Variants in TMEM106B observed in about 807,000 individuals in gnomAD.
TMEM106B encodes the protein transmembrane protein 106B.
TMEM106B carries 15 observed loss-of-function variants against 31.1 expected under a neutral mutation model. The ratio of observed to expected loss-of-function variants is 0.48; its 90% confidence interval spans 0.32 to 0.74. The LOEUF is 0.74. TMEM106B is among the 30% of genes least tolerant of loss of function. The pLI, the probability that TMEM106B is intolerant of heterozygous loss-of-function variation, is 0.03. For missense variants in TMEM106B, 283 were observed against 327.3 expected (o/e 0.86, Z 1.04); for synonymous variants, 126 against 112.5 (o/e 1.12, Z -0.76).
Position 12,230,636 on chromosome 7 carries a change from TTTTA to T in TMEM106B, c.632+206_632+209del, listed in dbSNP as rs1398867358. 9.9e-6 allele frequency: 4 copies of T among 405,690 alleles called. No individual in the cohort carries two copies. The East Asian group carries it at 1.6e-4, about 17-fold the overall frequency. The allele number at this position is 405,690 out of a possible 1,614,324, so 25.1% of individuals were successfully genotyped here. ...GTATATATACACATAAAATTTGTTTTTTTATTTATTTTTCAGAATTAGGGTTATA... is the reference window on the plus strand; with the variant it reads ...GTATATATACACATAAAATTTGTTTTTTTATTTTTCAGAATTAGGGTTATA... On this transcript the variant is annotated intron_variant, in intron 6 of 7. Coordinates refer to ENST00000396668, the MANE Select transcript of TMEM106B (RefSeq NM_001134232.2).
rs549985384 is a variant in TMEM106B at position 12,237,916 on chromosome 7, G to T, written c.*5941G>T. The T allele has an allele frequency of 6.6e-6, 1 of 152,010 alleles. No individual in the cohort carries two copies. The highest frequency in any genetic ancestry group is 1.9e-4 in the East Asian group (1 of 5,148). 9.4% of individuals were successfully genotyped at this position (152,010 alleles called of 1,614,324 possible). The stretch of plus-strand genomic sequence containing the variant: ...TCAGAAGTTTATACTCCTTTTGCCG[G>T]CACAGGATCTTGTCTGGATGTTGTT... On this transcript the variant is annotated 3_prime_UTR_variant, in exon 8 of 8. Transcript: ENST00000396668.
chr7:12,242,629 A>T lies in TMEM106B; in HGVS notation c.*10654A>T, dbSNP rs1334340127. 1 of 152,164 alleles carries T rather than the reference A, an allele frequency of 6.6e-6. No individual in the cohort carries two copies. The highest frequency in any genetic ancestry group is 1.9e-4 in the East Asian group (1 of 5,194). The allele number at this position is 152,164 out of a possible 1,614,324, so 9.4% of individuals were successfully genotyped here. On this transcript the variant is annotated 3_prime_UTR_variant, in exon 8 of 8. Transcript: ENST00000396668. ...TATCTAATTGTGTCCTTACTGGGTAACTTGTGTATTTTTCAAGTTAAAGGA... is the reference window on the plus strand; with the variant it reads ...TATCTAATTGTGTCCTTACTGGGTATCTTGTGTATTTTTCAAGTTAAAGGA...
At position 12,237,312 on chromosome 7, in the gene TMEM106B, G is replaced by A. The variant is rs1244143317; in HGVS notation, c.*5337G>A. 1 of 152,052 alleles carries A rather than the reference G, an allele frequency of 6.6e-6. No homozygotes were observed. Among genetic ancestry groups the A allele is most frequent in the Non-Finnish European group, 1.5e-5 (1 of 67,980 alleles). The allele number at this position is 152,052 out of a possible 1,614,324, so 9.4% of individuals were successfully genotyped here. A position where few individuals can be genotyped will look rare whatever the true frequency, so the allele number is the denominator to read the frequency against. On this transcript the variant is annotated 3_prime_UTR_variant, in exon 8 of 8. Transcript: ENST00000396668. ...TCCTTAACATAAACAAATCAGTGTA[G>A]ATATTCAAAATCTTTTACCTTTAAT...
intron 2 of TMEM106B, among the ~76,000 whole-genome samples, chr7:12,217,103 T>G (rs1448547242): frequency 6.6e-6 from 1 of 152,026 alleles, no homozygotes; most frequent in East Asian, 1.9e-4. Flanking sequence ...GAGAAAACAT[T>G]GGTAATTCGG....
intron 3 of TMEM106B, among the ~76,000 whole-genome samples, chr7:12,223,389 T>G (rs1336386103): frequency 1.3e-5 from 2 of 152,126 alleles, no homozygotes; most frequent in African/African-American, 4.8e-5. Flanking sequence ...GTTTGTTACA[T>G]AGGTAAATGT....
intron 4 of TMEM106B, among the ~76,000 whole-genome samples, chr7:12,225,346 T>A (rs1781879543): frequency 6.6e-6 from 1 of 152,218 alleles, no homozygotes; most frequent in African/African-American, 2.4e-5. Flanking sequence ...AATGTGTCTT[T>A]ATAGCAGCAT....
chr7:12,219,667 A>G (rs576166359), intron 3 of TMEM106B, among the ~76,000 whole-genome samples: 1 of 152,284 alleles, frequency 6.6e-6, no homozygotes, highest in South Asian at 2.1e-4. Context: ...GAGAATTTAC[A>G]GACCTCTGGA....
At chr7:12,213,932 A>G (rs1327407603) in intron 1 of TMEM106B, among the ~76,000 whole-genome samples, 2 of 152,110 alleles carry the variant, frequency 1.3e-5, no homozygotes, top group African/African-American at 4.8e-5. Flanking sequence ...GGGATTGAAC[A>G]TGCCCCGTTG....
At position 12,211,397 on chromosome 7, in the gene TMEM106B, C is replaced by G. The variant is rs1274313731; in HGVS notation, c.-31C>G. The G allele has an allele frequency of 6.6e-6, 1 of 152,456 alleles. No individual in the cohort carries two copies. Among genetic ancestry groups the G allele is most frequent in the Non-Finnish European group, 1.5e-5 (1 of 68,232 alleles). 9.4% of individuals were successfully genotyped at this position (152,456 alleles called of 1,614,324 possible). On this transcript the variant is annotated 5_prime_UTR_variant, in exon 1 of 8. Coordinates refer to ENST00000396668, the MANE Select transcript of TMEM106B (RefSeq NM_001134232.2). ...CTCGGCCCTGTCCGCGCCGAAGCAG[C>G]CCGGGACTGCGCAGCGCCCCGCGTG...
chr7:12,226,251 A>G (rs1394220480), intron 4 of TMEM106B, among the ~76,000 whole-genome samples: 1 of 152,140 alleles, frequency 6.6e-6, no homozygotes, highest in Admixed American at 6.6e-5. Context: ...TGGTACCAGT[A>G]CCATGCTGTT....
At chr7:12,230,570 G>T in intron 6 of TMEM106B, 132 bp downstream of exon 6, 2 of 571,588 alleles carry the variant, frequency 3.5e-6, no homozygotes, top group Non-Finnish European at 6.0e-6. Flanking sequence ...TCTGGCTTCT[G>T]GTCCTCTCTG....
At chr7:12,221,720 A>G (rs998159718) in intron 3 of TMEM106B, among the ~76,000 whole-genome samples, 1 of 152,216 alleles carries the variant, frequency 6.6e-6, no homozygotes, top group Non-Finnish European at 1.5e-5. Flanking sequence ...CAACCCAGGC[A>G]GAGCTCAGTG....
chr7:12,228,536 A>T (rs569555598), intron 4 of TMEM106B, among the ~76,000 whole-genome samples: 30 of 151,862 alleles, frequency 2.0e-4, no homozygotes, highest in Non-Finnish European at 4.1e-4. Flanking sequence ...TATGAATAGA[A>T]TTCATTTTAT....
chr7:12,225,437 T>A (rs1458292174), intron 4 of TMEM106B, among the ~76,000 whole-genome samples: 1 of 152,210 alleles, frequency 6.6e-6, no homozygotes, highest in East Asian at 1.9e-4. Flanking sequence ...CCTTGAAGAA[T>A]CACCACACTG....
chr7:12,218,956 G>C (rs1781738028), intron 3 of TMEM106B, among the ~76,000 whole-genome samples: 9 of 152,068 alleles, frequency 5.9e-5, no homozygotes, highest in Admixed American at 5.2e-4. Flanking sequence ...GATACACAAA[G>C]CAAATACTTT....
chr7:12,220,265 T>C (rs1338699187), intron 3 of TMEM106B, among the ~76,000 whole-genome samples: 1 of 152,200 alleles, frequency 6.6e-6, no homozygotes. Context: ...CTTTTTAAAC[T>C]ATGATTTTGA....
At chr7:12,229,651 G>A (rs770246320) in intron 4 of TMEM106B, 28 bp from the exon 5 acceptor site, 2 of 1,508,262 alleles carry the variant, frequency 1.3e-6, no homozygotes, top group Non-Finnish European at 1.8e-6. Flanking sequence ...TAGCTAACTT[G>A]TAAATTTTCT....
chr7:12,218,353 G>T, intron 2 of TMEM106B, 105 bp from the exon 3 acceptor site: 1 of 790,840 alleles, frequency 1.3e-6, no homozygotes, highest in South Asian at 1.9e-5. Flanking sequence ...GGAAAGAGAT[G>T]AGTGCCAGAT....
intron 6 of TMEM106B, 57 bp downstream of exon 6, chr7:12,230,495 A>C: frequency 9.0e-7 from 1 of 1,116,048 alleles, no homozygotes; most frequent in Admixed American, 2.2e-5. Context: ...TATAAAATAA[A>C]GTATAAAGAG....
Sources: gnomAD v4.1 joint callset for allele counts (sites outside exome capture counted in the v4.1 genomes callset) on GRCh38, gnomAD v4.1.1 for gene constraint, MANE v1.5 for transcripts, NCBI Gene and HGNC (gene_info 2026-07-23, HGNC 2026-07-21) for gene names.